The following SHISA9 variants were observed in gnomAD, a reference collection of about 807,000 sequenced individuals.
SHISA9 encodes protein shisa-9.
A neutral mutation model predicts 38.0 loss-of-function variants in SHISA9; 13 were observed. That is an observed-to-expected ratio of 0.34 (90% CI 0.22 to 0.54). The LOEUF (loss-of-function observed/expected upper bound fraction) is 0.54. Among genes scored for constraint, SHISA9 ranks in the 20% least tolerant of loss-of-function variants. The pLI, the probability that SHISA9 is intolerant of heterozygous loss-of-function variation, is 0.91. For synonymous variants in SHISA9, 275 were observed against 242.0 expected (o/e 1.14, Z -1.27); for missense variants, 538 against 575.8 (o/e 0.93, Z 0.67).
chr16:12,965,180 A>G (rs1048669674), intron 2 of SHISA9, among the ~76,000 whole-genome samples: 1 of 152,146 alleles, frequency 6.6e-6, no homozygotes, highest in African/African-American at 2.4e-5. Flanking sequence ...ATCATATTAC[A>G]TCAATATTAC....
intron 2 of SHISA9, among the ~76,000 whole-genome samples, chr16:12,994,850 T>G (rs909740832): frequency 3.3e-5 from 5 of 152,128 alleles, no homozygotes; most frequent in African/African-American, 1.2e-4. Context: ...TTACTATGAT[T>G]AAGAAGACCA....
At chr16:13,331,926 T>G in the SHISA9 span, 1 of 152,206 alleles carries the variant, frequency 6.6e-6, no homozygotes, top group African/African-American at 2.4e-5. Flanking sequence ...GTTCCGTTTC[T>G]CCTTCCTGAT....
the SHISA9 span, among the ~76,000 whole-genome samples, chr16:13,503,545 G>T: frequency 6.6e-6 from 1 of 152,128 alleles, no homozygotes; most frequent in African/African-American, 2.4e-5. Context: ...TGGATTCTAA[G>T]AAGGAACATT....
chr16:13,315,713 G>A, the SHISA9 span, among the ~76,000 whole-genome samples: 2 of 152,214 alleles, frequency 1.3e-5, no homozygotes, highest in African/African-American at 4.8e-5. Flanking sequence ...GCATGGAGGA[G>A]TGCCTGGTGC....
At position 13,213,867 on chromosome 16, in the gene SHISA9, G is replaced by A. The variant is rs550009216; in HGVS notation, c.895+567G>A. On this transcript the variant is annotated intron_variant, in intron 4 of 4. Transcript: ENST00000558583. ...CAGGTGGCAGCTATCATTAATTAGC[G>A]CCCTACTATGTGCCAGAGGACTGGC... is the stretch of plus-strand genomic sequence containing the variant. Among the ~76,000 whole-genome samples, 7 of 152,246 alleles carry A rather than the reference G, an allele frequency of 4.6e-5. No individual in the cohort carries two copies. The South Asian group carries it at 6.2e-4, about 14-fold the overall frequency.
chr16:13,331,325 A>G, the SHISA9 span: 1 of 152,130 alleles, frequency 6.6e-6, no homozygotes, highest in Non-Finnish European at 1.5e-5. Context: ...ATGGCTGCCA[A>G]TAGAATTGTG....
the SHISA9 span, among the ~76,000 whole-genome samples, chr16:13,420,966 T>G: frequency 1.3e-5 from 2 of 152,208 alleles, no homozygotes; most frequent in East Asian, 3.8e-4. Flanking sequence ...GGGAAAGCAG[T>G]GATCCAACTT....
intron 2 of SHISA9, among the ~76,000 whole-genome samples, chr16:12,993,953 GT>G (rs2072423506): frequency 1.3e-5 from 2 of 152,124 alleles, no homozygotes; most frequent in Admixed American, 1.3e-4. Context: ...GCAGGCCAGT[GT>G]GGCTGCAGCA....
rs577134444 is a variant in SHISA9 at position 13,217,722 on chromosome 16, C to G, written c.895+4422C>G. ...TAGCTCTTAGTCATCCTGATGGAAT[C>G]TTTCAGAAGGAAATACACTTCACTA... On this transcript the variant is annotated intron_variant, in intron 4 of 4. Coordinates refer to ENST00000558583, the MANE Select transcript of SHISA9 (RefSeq NM_001145204.3). Among the ~76,000 whole-genome samples, 4 of 152,272 alleles carry G rather than the reference C, an allele frequency of 2.6e-5. No individual in the cohort carries two copies. In the South Asian group the frequency reaches 8.3e-4, roughly 32 times the overall value.
At chr16:13,364,195 AC>A in the SHISA9 span, among the ~76,000 whole-genome samples, 14 of 152,220 alleles carry the variant, frequency 9.2e-5, no homozygotes, top group African/African-American at 3.1e-4. Flanking sequence ...GCCTTTTGGA[AC>A]TAGCCTGGGC....
At chr16:13,217,631 T>C (rs989948022) in intron 4 of SHISA9, among the ~76,000 whole-genome samples, 27 of 152,276 alleles carry the variant, frequency 1.8e-4, no homozygotes, top group Non-Finnish European at 1.8e-4. Flanking sequence ...TGGTATATAA[T>C]AGGTGCTAAA....
the SHISA9 span, among the ~76,000 whole-genome samples, chr16:13,527,372 G>A: frequency 1.3e-5 from 2 of 152,138 alleles, no homozygotes; most frequent in Non-Finnish European, 2.9e-5. Flanking sequence ...TTTAGACGCA[G>A]ATAATTGGGC....
At chr16:13,461,229 T>C in the SHISA9 span, among the ~76,000 whole-genome samples, 1 of 152,190 alleles carries the variant, frequency 6.6e-6, no homozygotes, top group South Asian at 2.1e-4. Flanking sequence ...TGAGGCACTG[T>C]CCTGGTGGCT....
At chr16:12,956,367 T>G (rs2071835320) in intron 2 of SHISA9, among the ~76,000 whole-genome samples, 1 of 152,188 alleles carries the variant, frequency 6.6e-6, no homozygotes, top group South Asian at 2.1e-4. Flanking sequence ...GACCCAGCAA[T>G]AACACCATTT....
the SHISA9 span, among the ~76,000 whole-genome samples, chr16:13,509,873 A>T: frequency 1.3e-5 from 2 of 152,118 alleles, no homozygotes; most frequent in African/African-American, 4.8e-5. Flanking sequence ...TACCCATGTG[A>T]TTTAGGGCAA....
chr16:13,242,488 A>G (rs187604991), downstream of SHISA9, among the ~76,000 whole-genome samples: 4 of 152,308 alleles, frequency 2.6e-5, no homozygotes, highest in East Asian at 7.7e-4. Flanking sequence ...GAGATGCAGA[A>G]GAAATTGGAG....
chr16:13,084,594 A>G (rs1026779129), intron 2 of SHISA9, among the ~76,000 whole-genome samples: 3 of 152,216 alleles, frequency 2.0e-5, no homozygotes, highest in Non-Finnish European at 2.9e-5. Context: ...GTTACAGTCC[A>G]GTGGGAAAGG....
At chr16:13,404,036 G>A in the SHISA9 span, among the ~76,000 whole-genome samples, 1 of 152,154 alleles carries the variant, frequency 6.6e-6, no homozygotes, top group Non-Finnish European at 1.5e-5. Context: ...CTTGTAAATG[G>A]TAGAATCGTG....
At chr16:12,955,611 A>G (rs934071717) in intron 2 of SHISA9, among the ~76,000 whole-genome samples, 1 of 150,434 alleles carries the variant, frequency 6.6e-6, no homozygotes, top group Non-Finnish European at 1.5e-5. Context: ...ACATACCTAC[A>G]GTCAACTTAT....
Sources: gnomAD v4.1 joint callset for allele counts (sites outside exome capture counted in the v4.1 genomes callset) on GRCh38, gnomAD v4.1.1 for gene constraint, MANE v1.5 for transcripts, NCBI Gene and HGNC (gene_info 2026-07-23, HGNC 2026-07-21) for gene names.